The following UNC13C variants were observed in gnomAD, a reference collection of about 807,000 sequenced individuals.
UNC13C encodes the protein unc-13 homolog C, also known as protein unc-13 homolog C.
A neutral mutation model predicts 245.4 loss-of-function variants in UNC13C; 174 were observed. The ratio of observed to expected loss-of-function variants is 0.71; its 90% CI spans 0.63 to 0.80. The LOEUF (loss-of-function observed/expected upper bound fraction) is 0.80. Ranked by LOEUF, UNC13C falls within the 30% of genes least tolerant of loss-of-function variation. UNC13C has a pLI of 0.00. For synonymous variants in UNC13C, 992 were observed against 895.1 expected (o/e 1.11, Z -1.93); for missense variants, 2,829 against 2,602.9 (o/e 1.09, Z -1.89).
intron 13 of UNC13C, among the ~76,000 whole-genome samples, chr15:54,302,561 T>C (rs1046804058): frequency 1.3e-5 from 2 of 152,204 alleles, no homozygotes. Context: ...CTTTCCCCAT[T>C]GCTTGTTTGT....
At chr15:54,594,520 G>A (rs1339950288) in intron 30 of UNC13C, among the ~76,000 whole-genome samples, 1 of 152,028 alleles carries the variant, frequency 6.6e-6, no homozygotes. Flanking sequence ...GTGGGGGATG[G>A]GGGTGAGAGT....
At chr15:54,111,895 T>C (rs1900795309) in intron 2 of UNC13C, among the ~76,000 whole-genome samples, 1 of 152,022 alleles carries the variant, frequency 6.6e-6, no homozygotes, top group African/African-American at 2.4e-5. Context: ...TGCAAAGTCT[T>C]TGATATATAG....
the UNC13C span, among the ~76,000 whole-genome samples, chr15:53,916,612 G>A: frequency 4.6e-5 from 7 of 152,140 alleles, no homozygotes; most frequent in Non-Finnish European, 8.8e-5. Flanking sequence ...TATGCAGTGT[G>A]GCTAAAAGTG....
intron 4 of UNC13C, among the ~76,000 whole-genome samples, chr15:54,192,898 CCACACACACA>C (rs71436273): frequency 6.8e-6 from 1 of 148,128 alleles, no homozygotes; most frequent in African/African-American, 2.5e-5. Context: ...TTTCTCTGTG[CCACACACACA>C]CACACACACA....
chr15:54,048,523 G>T, intron 2 of UNC13C: 1 of 552,634 alleles, frequency 1.8e-6, no homozygotes, highest in Non-Finnish European at 3.5e-6. Context: ...TTAGTATGTG[G>T]GCCATTTTTT....
At chr15:53,849,410 A>G in the UNC13C span, among the ~76,000 whole-genome samples, 1 of 152,072 alleles carries the variant, frequency 6.6e-6, no homozygotes, top group Non-Finnish European at 1.5e-5. Context: ...ACATAATTTT[A>G]TGGTCTACCT....
At chr15:54,205,756 C>T (rs1459359777) in intron 4 of UNC13C, among the ~76,000 whole-genome samples, 1 of 151,876 alleles carries the variant, frequency 6.6e-6, no homozygotes, top group African/African-American at 2.4e-5. Flanking sequence ...TATAAGTGTT[C>T]GAAGTATAAA....
intron 19 of UNC13C, among the ~76,000 whole-genome samples, chr15:54,453,968 G>T (rs974500130): frequency 6.6e-6 from 1 of 151,984 alleles, no homozygotes; most frequent in Non-Finnish European, 1.5e-5. Context: ...CTACCTTCTA[G>T]CTCTGTGGAT....
intron 2 of UNC13C, among the ~76,000 whole-genome samples, chr15:54,081,970 G>A (rs1566998605): frequency 6.6e-6 from 1 of 152,098 alleles, no homozygotes; most frequent in Non-Finnish European, 1.5e-5. Flanking sequence ...TTCTTATAGG[G>A]CTGGTCTGGT....
intron 17 of UNC13C, among the ~76,000 whole-genome samples, chr15:54,359,438 C>A (rs1179601104): frequency 6.6e-6 from 1 of 151,768 alleles, no homozygotes; most frequent in Non-Finnish European, 1.5e-5. Flanking sequence ...ATATTATTGG[C>A]AAATATTTAT....
At chr15:54,107,143 C>T (rs541280562) in intron 2 of UNC13C, among the ~76,000 whole-genome samples, 1 of 152,228 alleles carries the variant, frequency 6.6e-6, no homozygotes, top group African/African-American at 2.4e-5. Context: ...AAAATTGCGA[C>T]TAATATTTTT....
intron 19 of UNC13C, among the ~76,000 whole-genome samples, chr15:54,481,032 A>G (rs562976713): frequency 1.3e-5 from 2 of 152,242 alleles, no homozygotes; most frequent in South Asian, 4.1e-4. Flanking sequence ...CTATGTAACT[A>G]TAGTATTGGT....
In UNC13C at chr15:54,558,232, C is replaced by A. The variant is rs191804720; in HGVS notation, c.5958+2720C>A. 3.8e-3 allele frequency among the ~76,000 whole-genome samples: 577 copies of A among 152,014 alleles called. 3 individuals are homozygous for A. The highest frequency in any genetic ancestry group is 6.4e-3 in the Non-Finnish European group (435 of 67,972). On this transcript the variant is annotated intron_variant, in intron 29 of 32. Transcript: ENST00000260323. Reference sequence around the variant, plus strand: ...CTAACCTGCACATTGTGCACATGTACCCTAAAACTTAAAGTATAATAATAA... The same window carrying A: ...CTAACCTGCACATTGTGCACATGTAACCTAAAACTTAAAGTATAATAATAA...
At chr15:53,966,120 A>G in the UNC13C span, among the ~76,000 whole-genome samples, 2,470 of 152,282 alleles carry the variant, frequency 0.016, 75 homozygotes, top group African/African-American at 0.056. Context: ...GGTCATTCAT[A>G]AAAGTCTCAT....
At chr15:54,096,318 T>G (rs1304342961) in intron 2 of UNC13C, among the ~76,000 whole-genome samples, 1 of 121,232 alleles carries the variant, frequency 8.2e-6, no homozygotes, top group Non-Finnish European at 1.7e-5. Flanking sequence ...GGTCTTTTGA[T>G]GCTGCTCATT....
At chr15:54,188,844 A>C (rs1200940727) in intron 4 of UNC13C, among the ~76,000 whole-genome samples, 1 of 152,218 alleles carries the variant, frequency 6.6e-6, no homozygotes, top group Non-Finnish European at 1.5e-5. Context: ...AGGGGCAATC[A>C]CTAATGCTTA....
Position 54,380,250 on chromosome 15 carries a change from C to T in UNC13C, c.4714-12798C>T, listed in dbSNP as rs555493624. 5.9e-5 allele frequency among the ~76,000 whole-genome samples: 9 copies of T among 152,130 alleles called. 3 individuals carry two copies. The highest frequency in any genetic ancestry group is 2.2e-4 in the African/African-American group (9 of 41,504). On this transcript the variant is annotated intron_variant, in intron 17 of 32. Coordinates refer to ENST00000260323, the MANE Select transcript of UNC13C (RefSeq NM_001080534.3). ...GAGCGTGATTTTTGTCTTTCTGTGC[C>T]TGGCTTAATCCCCTTAACATAATGT...
intron 10 of UNC13C, among the ~76,000 whole-genome samples, chr15:54,292,768 A>G (rs1335203327): frequency 2.0e-5 from 3 of 151,536 alleles, no homozygotes; most frequent in African/African-American, 7.2e-5. Context: ...ATATGTAAGT[A>G]TCTGTGGTTG....
intron 31 of UNC13C, among the ~76,000 whole-genome samples, chr15:54,623,512 T>C (rs1320463381): frequency 6.6e-6 from 1 of 152,182 alleles, no homozygotes; most frequent in Admixed American, 6.6e-5. Flanking sequence ...AACAACACCA[T>C]GTTTTTACCA....
Sources: allele counts gnomAD v4.1 joint callset (sites outside exome capture counted in the v4.1 genomes callset), GRCh38; gene constraint gnomAD v4.1.1; transcripts MANE v1.5; gene names NCBI Gene and HGNC (gene_info 2026-07-23, HGNC 2026-07-21).